Variants in ASPRV1 observed in about 807,000 individuals in gnomAD.
ASPRV1 encodes retroviral-like aspartic protease 1.
Under a neutral mutation model 11.0 loss-of-function variants are expected in ASPRV1, and 7 were observed. The ratio of observed to expected loss-of-function variants is 0.64; its 90% CI spans 0.36 to 1.20. ASPRV1 has a LOEUF of 1.20. Ranked by LOEUF, ASPRV1 falls within the 50% of genes most tolerant of loss-of-function variation. The pLI, the probability that ASPRV1 is intolerant of heterozygous loss-of-function variation, is 0.02. For missense variants in ASPRV1, 299 were observed against 320.0 expected (o/e 0.93, Z 0.50); for synonymous variants, 136 against 138.4 (o/e 0.98, Z 0.12).
the ASPRV1 span, among the ~76,000 whole-genome samples, chr2:70,058,909 C>CA: frequency 6.5e-5 from 7 of 108,178 alleles, no homozygotes; most frequent in Admixed American, 1.3e-4. Context: ...TTTTTTGAGA[C>CA]AGAGTCTCAC....
chr2:69,935,499 ACC>A, the ASPRV1 span: 3 of 1,426,786 alleles, frequency 2.1e-6, no homozygotes, highest in Non-Finnish European at 3.0e-6. Context: ...CTTTATCTTT[ACC>A]TGTTCAGTGA....
chr2:69,961,443 G>T lies in ASPRV1; in HGVS notation c.-7C>A. ...TGGCTCCGCTCCCGGCCATCCTGCT[G>T]CTCTCCTCTGGAACCTCAGCAGCAA... is the stretch of plus-strand genomic sequence containing the variant. On this transcript the variant is annotated 5_prime_UTR_variant, in exon 1 of 1. Transcript: ENST00000320256. 1 of 1,614,066 alleles carries T rather than the reference G, an allele frequency of 6.2e-7. No individual in the cohort carries two copies. The highest frequency in any genetic ancestry group is 8.5e-7 in the Non-Finnish European group (1 of 1,180,028).
chr2:69,986,369 G>A, the ASPRV1 span, among the ~76,000 whole-genome samples: 1 of 152,216 alleles, frequency 6.6e-6, no homozygotes, highest in African/African-American at 2.4e-5. Context: ...AGGCAGCAGT[G>A]AGCACTCCCC....
the ASPRV1 span, among the ~76,000 whole-genome samples, chr2:69,967,879 C>T: frequency 6.6e-6 from 1 of 151,186 alleles, no homozygotes; most frequent in South Asian, 2.1e-4. Context: ...TCAGGAGTTC[C>T]AGACCAGCCT....
chr2:69,979,872 T>C, the ASPRV1 span, among the ~76,000 whole-genome samples: 1 of 152,180 alleles, frequency 6.6e-6, no homozygotes, highest in Non-Finnish European at 1.5e-5. Context: ...CACATTGCTC[T>C]CTACAACACC....
the ASPRV1 span, among the ~76,000 whole-genome samples, chr2:70,074,401 G>A: frequency 6.6e-6 from 1 of 150,722 alleles, no homozygotes; most frequent in African/African-American, 2.4e-5. Flanking sequence ...CGATTCTCCT[G>A]CCTCAGCCTC....
At chr2:69,978,680 T>G in the ASPRV1 span, among the ~76,000 whole-genome samples, 1 of 152,272 alleles carries the variant, frequency 6.6e-6, no homozygotes, top group East Asian at 1.9e-4. Flanking sequence ...GAGGGTGTCC[T>G]GGTGAGGCAG....
Position 69,961,623 on chromosome 2 carries a change from C to T in ASPRV1, c.-187G>A. 6.2e-7 allele frequency: 1 copy of T among 1,606,166 alleles called. No homozygotes were observed. The highest frequency in any genetic ancestry group is 1.7e-5 in the Admixed American group (1 of 59,638). On this transcript the variant is annotated 5_prime_UTR_variant, in exon 1 of 1. Coordinates refer to ENST00000320256, the MANE Select transcript of ASPRV1 (RefSeq NM_152792.4). Reference sequence around the variant, plus strand: ...GGCTGACTGCTGGGGCAGAGGCAGGCAGTGCTGTGGCCTGTTCACTCTGCA... The same window carrying T: ...GGCTGACTGCTGGGGCAGAGGCAGGTAGTGCTGTGGCCTGTTCACTCTGCA...
At chr2:70,079,278 G>A in the ASPRV1 span, among the ~76,000 whole-genome samples, 1 of 151,822 alleles carries the variant, frequency 6.6e-6, no homozygotes, top group Non-Finnish European at 1.5e-5. Context: ...ATCGAATCCA[G>A]CCTCAGCAAC....
At chr2:70,069,342 G>T in the ASPRV1 span, 1 of 152,226 alleles carries the variant, frequency 6.6e-6, no homozygotes, top group Non-Finnish European at 1.5e-5. Context: ...AGGAACAGGT[G>T]GTTCCCACAG....
the ASPRV1 span, chr2:70,034,809 T>C: frequency 2.0e-5 from 3 of 152,018 alleles, no homozygotes; most frequent in Non-Finnish European, 2.9e-5. Context: ...CTGAAGAAGG[T>C]AGTCTCTTCT....
chr2:69,963,194 C>A, upstream of ASPRV1: 1 of 446,044 alleles, frequency 2.2e-6, no homozygotes, highest in Non-Finnish European at 4.5e-6. Context: ...GCAGTTGGGT[C>A]AACACCTCTC....
chr2:70,049,968 T>C, the ASPRV1 span: 1 of 152,224 alleles, frequency 6.6e-6, no homozygotes, highest in East Asian at 1.9e-4. Flanking sequence ...ACAAATGAAT[T>C]AGGGACAGCT....
chr2:70,079,128 A>G, the ASPRV1 span, among the ~76,000 whole-genome samples: 3 of 152,200 alleles, frequency 2.0e-5, no homozygotes, highest in Admixed American at 1.3e-4. Flanking sequence ...AAGTTTTTTA[A>G]TAAGTTCAAC....
chr2:69,999,004 C>T, the ASPRV1 span, among the ~76,000 whole-genome samples: 3 of 152,230 alleles, frequency 2.0e-5, no homozygotes, highest in African/African-American at 7.2e-5. Flanking sequence ...GGGCCAGGGA[C>T]TGGGGGCTGC....
At chr2:69,974,711 T>A in the ASPRV1 span, among the ~76,000 whole-genome samples, 1 of 152,248 alleles carries the variant, frequency 6.6e-6, no homozygotes, top group Admixed American at 6.5e-5. Context: ...GCTTCGCCAT[T>A]CACCCTGGGG....
chr2:70,053,052 G>C, the ASPRV1 span, among the ~76,000 whole-genome samples: 40 of 152,070 alleles, frequency 2.6e-4, no homozygotes, highest in African/African-American at 8.9e-4. Context: ...AGCTATCCTG[G>C]CTAAGTTAAT....
chr2:70,071,542 G>A, the ASPRV1 span: 1 of 152,068 alleles, frequency 6.6e-6, no homozygotes, highest in Non-Finnish European at 1.5e-5. Context: ...AGGAGTTCCA[G>A]ACCAGCTTGG....
the ASPRV1 span, among the ~76,000 whole-genome samples, chr2:70,057,941 A>T: frequency 4.7e-5 from 7 of 148,828 alleles, no homozygotes; most frequent in Admixed American, 2.7e-4. Context: ...CTACAGGCGC[A>T]TGCCACCATG....
Sources: gnomAD v4.1 joint callset for allele counts (sites outside exome capture counted in the v4.1 genomes callset) on GRCh38, gnomAD v4.1.1 for gene constraint, MANE v1.5 for transcripts, NCBI Gene and HGNC (gene_info 2026-07-23, HGNC 2026-07-21) for gene names.